The following GRIN2A variants were observed in gnomAD, a reference collection of about 807,000 sequenced individuals.
GRIN2A encodes glutamate ionotropic receptor NMDA type subunit 2A.
A neutral mutation model predicts 113.4 loss-of-function variants in GRIN2A; 22 were observed. The ratio of observed to expected loss-of-function variants is 0.19; its 90% CI spans 0.14 to 0.28. The LOEUF is 0.28. Ranked by LOEUF, GRIN2A falls within the 10% of genes least tolerant of loss-of-function variation. The pLI, the probability that GRIN2A is intolerant of heterozygous loss-of-function variation, is 1.00. For synonymous variants in GRIN2A, 827 were observed against 738.4 expected, an observed-to-expected ratio of 1.12 and a Z score of -1.94; for missense variants, 1,502 against 1,887.0, an observed-to-expected ratio of 0.80 and a Z score of 3.78.
At chr16:9,869,159 G>C (rs7203082) in intron 4 of GRIN2A, among the ~76,000 whole-genome samples, 1 of 152,032 alleles carries the variant, frequency 6.6e-6, no homozygotes, top group Non-Finnish European at 1.5e-5. Context: ...AGTTAGCCAG[G>C]AGCGGTGGCT....
intron 2 of GRIN2A, among the ~76,000 whole-genome samples, chr16:9,985,892 C>G (rs2045971519): frequency 6.6e-6 from 1 of 152,080 alleles, no homozygotes; most frequent in Non-Finnish European, 1.5e-5. Context: ...GATGGATACC[C>G]CATCTACTCT....
At chr16:10,137,160 A>G (rs2049212271) in intron 2 of GRIN2A, among the ~76,000 whole-genome samples, 1 of 152,174 alleles carries the variant, frequency 6.6e-6, no homozygotes, top group Non-Finnish European at 1.5e-5. Context: ...ACAGAGTCGG[A>G]GGGGTTCACA....
chr16:10,127,307 C>CTT (rs2048960397), intron 2 of GRIN2A, among the ~76,000 whole-genome samples: 1 of 152,020 alleles, frequency 6.6e-6, no homozygotes, highest in Non-Finnish European at 1.5e-5. Flanking sequence ...CAAGATGAAT[C>CTT]ACCTGTGAGC....
chr16:10,112,204 C>T (rs775745825), intron 2 of GRIN2A: 19 of 594,342 alleles, frequency 3.2e-5, no homozygotes, highest in Non-Finnish European at 5.0e-5. Flanking sequence ...TTGGACTCCT[C>T]CCAAGGGAAC....
intron 2 of GRIN2A, among the ~76,000 whole-genome samples, chr16:10,130,705 G>A (rs537415457): frequency 4.6e-5 from 7 of 152,276 alleles, no homozygotes; most frequent in Admixed American, 4.6e-4. Flanking sequence ...TATAACCCAG[G>A]GGACTCTCTC....
intron 11 of GRIN2A, among the ~76,000 whole-genome samples, chr16:9,788,870 G>C (rs2141202860): frequency 6.6e-6 from 1 of 151,792 alleles, no homozygotes; most frequent in East Asian, 2.0e-4. Context: ...AGCCTCCTGA[G>C]TAGCTGGGAC....
chr16:9,935,050 A>T (rs1346404863), intron 3 of GRIN2A, among the ~76,000 whole-genome samples: 1 of 152,228 alleles, frequency 6.6e-6, no homozygotes, highest in Non-Finnish European at 1.5e-5. Flanking sequence ...ATTTCACAGC[A>T]GCAGAATTTT....
At chr16:9,875,312 A>G (rs1262536830) in intron 4 of GRIN2A, among the ~76,000 whole-genome samples, 1 of 152,170 alleles carries the variant, frequency 6.6e-6, no homozygotes, top group Non-Finnish European at 1.5e-5. Flanking sequence ...AATCCTCCAC[A>G]GCTTAGAGAC....
intron 2 of GRIN2A, among the ~76,000 whole-genome samples, chr16:9,979,180 A>G (rs1001245174): frequency 3.3e-5 from 5 of 152,168 alleles, no homozygotes; most frequent in African/African-American, 1.2e-4. Context: ...GAGTCTGGTG[A>G]AGAAGATTCA....
chr16:9,927,761 T>C (rs2044497278), intron 3 of GRIN2A, among the ~76,000 whole-genome samples: 2 of 152,228 alleles, frequency 1.3e-5, no homozygotes, highest in South Asian at 2.1e-4. Context: ...AACTTGAAGT[T>C]TCCCCACTCA....
intron 2 of GRIN2A, among the ~76,000 whole-genome samples, chr16:10,130,278 G>A (rs2039992637): frequency 1.3e-5 from 2 of 152,172 alleles, no homozygotes; most frequent in Admixed American, 6.5e-5. Context: ...AAACATTGAG[G>A]GGAAAATCAA....
At chr16:10,137,109 C>T (rs1442993573) in intron 2 of GRIN2A, among the ~76,000 whole-genome samples, 1 of 152,122 alleles carries the variant, frequency 6.6e-6, no homozygotes, top group Admixed American at 6.5e-5. Flanking sequence ...ACCTTCACTC[C>T]CCCTGCAGGT....
intron 3 of GRIN2A, among the ~76,000 whole-genome samples, chr16:9,910,238 C>A (rs533829836): frequency 8.5e-5 from 13 of 152,106 alleles, no homozygotes; most frequent in South Asian, 4.1e-4. Context: ...GAAGTAGAAT[C>A]TTTTAGGGGT....
Position 9,779,973 on chromosome 16 carries a change from C to T in GRIN2A, c.2357-10884G>A, listed in dbSNP as rs139248811. 6.0e-3 allele frequency among the ~76,000 whole-genome samples: 909 copies of T among 152,304 alleles called. 14 individuals are homozygous for T. The highest frequency in any genetic ancestry group is 0.021 in the African/African-American group (857 of 41,550). ...TAAATCTGAGGTCAGGTTACATGAA[C>T]CAAGGTCACAAAATAAGGCAATGTT... On this transcript the variant is annotated intron_variant, in intron 11 of 12. Transcript: ENST00000330684.
intron 5 of GRIN2A, 61 bp from the exon 6 acceptor site, chr16:9,841,165 T>A: frequency 7.4e-7 from 1 of 1,354,090 alleles, no homozygotes; most frequent in Non-Finnish European, 1.1e-6. Context: ...TCACAATCAT[T>A]AGCTGTACTC....
At chr16:10,005,757 G>A (rs2046394957) in intron 2 of GRIN2A, among the ~76,000 whole-genome samples, 1 of 152,164 alleles carries the variant, frequency 6.6e-6, no homozygotes, top group African/African-American at 2.4e-5. Flanking sequence ...CTGTCACTTT[G>A]CAAATTCCAT....
Position 9,782,350 on chromosome 16 carries a change from A to G in GRIN2A, c.2357-13261T>C, listed in dbSNP as rs534872708. Among the ~76,000 whole-genome samples the G allele has an allele frequency of 3.3e-5, 5 of 152,372 alleles. No individual in the cohort carries two copies. The East Asian group carries it at 9.6e-4, about 29-fold the overall frequency. Reference sequence around the variant, plus strand: ...TTCAAATGCTACACCATTTTATATCAGGAACTTGAGCATCCACAGATTTTG... The same window carrying G: ...TTCAAATGCTACACCATTTTATATCGGGAACTTGAGCATCCACAGATTTTG... On this transcript the variant is annotated intron_variant, in intron 11 of 12. Transcript: ENST00000330684.
chr16:9,804,306 G>A (rs750371662), intron 10 of GRIN2A, among the ~76,000 whole-genome samples: 2 of 152,124 alleles, frequency 1.3e-5, no homozygotes, highest in Non-Finnish European at 2.9e-5. Flanking sequence ...TTAGGCTGCA[G>A]CCTGGTATGG....
At chr16:9,970,497 C>T (rs1022536373) in intron 2 of GRIN2A, among the ~76,000 whole-genome samples, 8 of 152,142 alleles carry the variant, frequency 5.3e-5, no homozygotes, top group Middle Eastern at 6.8e-3. Context: ...GATAAAGATA[C>T]GATAGATCTG....
Sources: gnomAD v4.1 joint callset for allele counts (sites outside exome capture counted in the v4.1 genomes callset) on GRCh38, gnomAD v4.1.1 for gene constraint, MANE v1.5 for transcripts, NCBI Gene and HGNC (gene_info 2026-07-23, HGNC 2026-07-21) for gene names.